The following LNX1 variants were observed in gnomAD, a reference collection of about 807,000 sequenced individuals.
LNX1 encodes E3 ubiquitin-protein ligase LNX.
Under a neutral mutation model 68.4 loss-of-function variants are expected in LNX1, and 54 were observed. The observed-to-expected ratio is 0.79, with a 90% CI of 0.63 to 0.99. LNX1 has a LOEUF of 0.99. Among genes scored for constraint, LNX1 ranks in the 50% least tolerant of loss-of-function variants. LNX1 has a pLI of 0.00. For synonymous variants in LNX1, 336 were observed against 350.0 expected, an observed-to-expected ratio of 0.96 and a Z score of 0.45; for missense variants, 906 against 926.4, an observed-to-expected ratio of 0.98 and a Z score of 0.29.
intron 1 of LNX1, among the ~76,000 whole-genome samples, chr4:53,616,905 A>G (rs1733701216): frequency 6.6e-6 from 1 of 152,182 alleles, no homozygotes; most frequent in African/African-American, 2.4e-5. Context: ...TGTTTAAACT[A>G]AGAAGTATTA....
chr4:53,650,050 C>T (rs1423961343), intron 1 of LNX1, among the ~76,000 whole-genome samples: 1 of 152,170 alleles, frequency 6.6e-6, no homozygotes, highest in Non-Finnish European at 1.5e-5. Context: ...AGAGAGTGAG[C>T]AGCCCACATC....
intron 2 of LNX1, among the ~76,000 whole-genome samples, chr4:53,568,175 C>G (rs1270987332): frequency 6.6e-6 from 1 of 151,852 alleles, no homozygotes; most frequent in African/African-American, 2.4e-5. Flanking sequence ...ATACCAAAGC[C>G]GGGCAGAGAC....
At chr4:53,627,282 A>ACGGC (rs1734112409) in intron 1 of LNX1, among the ~76,000 whole-genome samples, 1 of 152,042 alleles carries the variant, frequency 6.6e-6, no homozygotes, top group African/African-American at 2.4e-5. Flanking sequence ...ATCTCTTTTC[A>ACGGC]CGGCCTTTGA....
intron 2 of LNX1, among the ~76,000 whole-genome samples, chr4:53,609,715 A>AT (rs1733395938): frequency 6.9e-6 from 1 of 144,546 alleles, no homozygotes; most frequent in Non-Finnish European, 1.5e-5. Context: ...CTATTATAAT[A>AT]TATAGTACAA....
At chr4:53,503,548 T>C (rs1174480836) in intron 4 of LNX1, among the ~76,000 whole-genome samples, 2 of 152,192 alleles carry the variant, frequency 1.3e-5, no homozygotes, top group Middle Eastern at 6.3e-3. Flanking sequence ...GCCTCAACAG[T>C]GGGCTTAAAA....
chr4:53,566,610 C>A (rs1254564708), intron 2 of LNX1, among the ~76,000 whole-genome samples: 2 of 151,490 alleles, frequency 1.3e-5, no homozygotes, highest in Non-Finnish European at 2.9e-5. Context: ...AAATAACCAG[C>A]TAACATCATA....
chr4:53,599,882 T>C (rs1201403301), intron 2 of LNX1, among the ~76,000 whole-genome samples: 3 of 152,192 alleles, frequency 2.0e-5, no homozygotes, highest in Non-Finnish European at 4.4e-5. Context: ...ATTTCAGATA[T>C]GGTCTCAGTT....
intron 2 of LNX1, among the ~76,000 whole-genome samples, chr4:53,515,890 A>T (rs1222794413): frequency 2.0e-5 from 3 of 152,156 alleles, no homozygotes; most frequent in Admixed American, 6.5e-5. Flanking sequence ...CAAGTGTCTT[A>T]ATTCCTCTGA....
chr4:53,573,641 T>C lies in LNX1; in HGVS notation c.362A>G (p.Glu121Gly). ...CTQVLQRCDLEHHFQTSCKGA... is the reference protein window; with the variant it reads ...CTQVLQRCDLGHHFQTSCKGA... Reference sequence around the variant, plus strand: ...GACCTACCTGGTTTGAAAGTGATGCTCGAGGTCACAGCGCTGCAACACCTG... The same window carrying C: ...GACCTACCTGGTTTGAAAGTGATGCCCGAGGTCACAGCGCTGCAACACCTG... The change falls in exon 2 of 11, where the codon GAG becomes GGG. Residue 121 changes from glutamate to glycine, a missense_variant. Glu to Gly is a moderately conservative substitution (Grantham distance 98). Transcript: ENST00000263925. 1 of 1,603,216 alleles carries C rather than the reference T, an allele frequency of 6.2e-7. No homozygotes were observed. The highest frequency in any genetic ancestry group is 1.7e-5 in the Admixed American group (1 of 58,252).
intron 1 of LNX1, among the ~76,000 whole-genome samples, chr4:53,617,001 C>T (rs1733704929): frequency 6.6e-6 from 1 of 152,178 alleles, no homozygotes; most frequent in African/African-American, 2.4e-5. Flanking sequence ...TTGTACTTCT[C>T]ATTAGCCAAG....
chr4:53,508,733 G>T, intron 2 of LNX1, among the ~76,000 whole-genome samples: 1 of 152,194 alleles, frequency 6.6e-6, no homozygotes, highest in East Asian at 1.9e-4. Context: ...ACAGGAGTGA[G>T]TTCAGCATTG....
chr4:53,482,103 A>G (rs1171266011), intron 6 of LNX1, among the ~76,000 whole-genome samples: 1 of 152,236 alleles, frequency 6.6e-6, no homozygotes, highest in Non-Finnish European at 1.5e-5. Flanking sequence ...GGTTCCTTCC[A>G]ATCTTTGAAA....
intron 2 of LNX1, among the ~76,000 whole-genome samples, chr4:53,509,156 C>G (rs1341028828): frequency 6.6e-6 from 1 of 152,202 alleles, no homozygotes; most frequent in Non-Finnish European, 1.5e-5. Context: ...GGTGATTTAA[C>G]TATCTCACTC....
chr4:53,499,976 T>C (rs1725357904), intron 4 of LNX1: 1 of 152,258 alleles, frequency 6.6e-6, no homozygotes, highest in Admixed American at 6.5e-5. Flanking sequence ...TCATCTTTCA[T>C]CCCATTGTGA....
intron 2 of LNX1, among the ~76,000 whole-genome samples, chr4:53,532,834 G>A (rs531468380): frequency 2.8e-3 from 431 of 152,320 alleles, no homozygotes; most frequent in African/African-American, 8.5e-3. Context: ...GTGAATTCAG[G>A]TTCACCCTTC....
intron 1 of LNX1, among the ~76,000 whole-genome samples, chr4:53,628,539 AG>A (rs1734157152): frequency 6.6e-6 from 1 of 152,204 alleles, no homozygotes; most frequent in Non-Finnish European, 1.5e-5. Context: ...TGGAATGTAA[AG>A]CACAACCTCT....
chr4:53,573,787 C>T lies in LNX1; in HGVS notation c.216G>A (p.Lys72=). 2 of 1,612,570 alleles carry T rather than the reference C, an allele frequency of 1.2e-6. No individual in the cohort carries two copies. Among genetic ancestry groups the T allele is most frequent in the Non-Finnish European group, 1.7e-6 (2 of 1,179,352 alleles). Residue 72 remains lysine (K), a synonymous_variant, in exon 2 of 11, where the codon AAG becomes AAA. Coordinates refer to ENST00000263925, the MANE Select transcript of LNX1 (RefSeq NM_001126328.3). The part of the protein sequence containing the change: ...TLCLTNFLVE[K]DFCPMDRKPL... ...GCTTGCGGTCCATGGGACAGAAGTCCTTCTCCACCAGGAAGTTGGTGAGGC... is the reference window on the plus strand; with the variant it reads ...GCTTGCGGTCCATGGGACAGAAGTCTTTCTCCACCAGGAAGTTGGTGAGGC...
At chr4:53,492,963 G>C (rs57297394) in intron 6 of LNX1, among the ~76,000 whole-genome samples, 1 of 151,734 alleles carries the variant, frequency 6.6e-6, no homozygotes, top group Non-Finnish European at 1.5e-5. Flanking sequence ...CACCTCAGAA[G>C]GAAAATGTCT....
chr4:53,568,514 T>C (rs1427857245), intron 2 of LNX1, among the ~76,000 whole-genome samples: 2 of 151,662 alleles, frequency 1.3e-5, no homozygotes, highest in Non-Finnish European at 2.9e-5. Context: ...ATAAGAGCTA[T>C]CTATGACAAA....
Sources: allele counts gnomAD v4.1 joint callset (sites outside exome capture counted in the v4.1 genomes callset), GRCh38; gene constraint gnomAD v4.1.1; transcripts MANE v1.5; gene names NCBI Gene and HGNC (gene_info 2026-07-23, HGNC 2026-07-21).